TEKTL1: variants seen among roughly 807,000 people sequenced by gnomAD.
TEKTL1 encodes tektin-like protein 1.
the TEKTL1 span, among the ~76,000 whole-genome samples, chr19:15,012,022 G>A: frequency 1.3e-5 from 2 of 151,856 alleles, no homozygotes; most frequent in Non-Finnish European, 2.9e-5. Flanking sequence ...TTGGGATGCC[G>A]ATGCGGGAGG....
At chr19:15,016,040 G>A in the TEKTL1 span, among the ~76,000 whole-genome samples, 9,582 of 151,662 alleles carry the variant, frequency 0.063, 778 homozygotes, top group African/African-American at 0.19. Flanking sequence ...TATATTTCAT[G>A]TAGCAAAACT....
At chr19:15,021,641 T>G in the TEKTL1 span, 1 of 1,614,094 alleles carries the variant, frequency 6.2e-7, no homozygotes, top group Non-Finnish European at 8.5e-7. Flanking sequence ...ACGTTAGGAC[T>G]GATGAGGGGA....
At chr19:15,011,020 C>G in the TEKTL1 span, 1 of 1,582,358 alleles carries the variant, frequency 6.3e-7, no homozygotes, top group Non-Finnish European at 8.6e-7. Context: ...TCGGCCGCGC[C>G]GCCTACATCC....
the TEKTL1 span, among the ~76,000 whole-genome samples, chr19:15,022,358 T>C: frequency 2.6e-5 from 4 of 152,188 alleles, no homozygotes; most frequent in East Asian, 7.7e-4. Flanking sequence ...AGACAGACTC[T>C]CGCTCTGTCG....
At chr19:15,021,648 G>A in the TEKTL1 span, 1 of 1,614,106 alleles carries the variant, frequency 6.2e-7, no homozygotes, top group Non-Finnish European at 8.5e-7. Context: ...GACTGATGAG[G>A]GGAACTATCC....
chr19:15,022,556 T>C, the TEKTL1 span, among the ~76,000 whole-genome samples: 2 of 152,050 alleles, frequency 1.3e-5, no homozygotes, highest in Non-Finnish European at 1.5e-5. Context: ...CTTGAACTCC[T>C]GACCTCAGGT....
At chr19:15,013,544 G>C in the TEKTL1 span, 2 of 657,182 alleles carry the variant, frequency 3.0e-6, no homozygotes, top group East Asian at 2.7e-5. Context: ...CAAAGGATGA[G>C]AGTACCCTCA....
the TEKTL1 span, among the ~76,000 whole-genome samples, chr19:15,015,550 C>T: frequency 7.1e-6 from 1 of 140,260 alleles, no homozygotes; most frequent in African/African-American, 2.6e-5. Flanking sequence ...CCACCCTTCT[C>T]CTGCACCATC....
the TEKTL1 span, among the ~76,000 whole-genome samples, chr19:15,021,152 A>T: frequency 6.6e-6 from 1 of 152,028 alleles, no homozygotes; most frequent in Admixed American, 6.5e-5. Context: ...AAGTGCTGGG[A>T]TTACAGGTTA....
At chr19:15,015,983 T>C in the TEKTL1 span, among the ~76,000 whole-genome samples, 1 of 152,034 alleles carries the variant, frequency 6.6e-6, no homozygotes, top group African/African-American at 2.4e-5. Context: ...TCAGCTAAAC[T>C]GCATTTGAAT....
chr19:15,013,784 G>T, the TEKTL1 span: 2 of 1,594,520 alleles, frequency 1.3e-6, no homozygotes, highest in Non-Finnish European at 1.7e-6. Flanking sequence ...AAGGTTAGGG[G>T]TGCCTGTGGA....
At chr19:15,017,819 T>C in the TEKTL1 span, among the ~76,000 whole-genome samples, 2 of 152,136 alleles carry the variant, frequency 1.3e-5, no homozygotes, top group Non-Finnish European at 2.9e-5. Flanking sequence ...AAAGAGTCAC[T>C]GAAGGCTTCT....
At chr19:15,012,092 CA>C in the TEKTL1 span, among the ~76,000 whole-genome samples, 1,720 of 137,218 alleles carry the variant, frequency 0.013, 21 homozygotes, top group Middle Eastern at 0.027. Context: ...CCCGTCTCTA[CA>C]AAAAAAAAAA....
the TEKTL1 span, chr19:15,021,414 A>G: frequency 6.2e-7 from 1 of 1,614,130 alleles, no homozygotes; most frequent in African/African-American, 1.3e-5. Flanking sequence ...ACACCTTGGT[A>G]GAAATGGCAA....
At chr19:15,019,029 G>A in the TEKTL1 span, among the ~76,000 whole-genome samples, 1 of 152,000 alleles carries the variant, frequency 6.6e-6, no homozygotes, top group East Asian at 1.9e-4. Context: ...GCTCACTGCA[G>A]CCTCAACCTC....
the TEKTL1 span, among the ~76,000 whole-genome samples, chr19:15,014,731 CG>C: frequency 3.4e-4 from 4 of 11,750 alleles, no homozygotes; most frequent in South Asian, 1.4e-3. Flanking sequence ...AGTGGGGGGG[CG>C]GGGGGCGGGG....
the TEKTL1 span, among the ~76,000 whole-genome samples, chr19:15,014,543 G>T: frequency 6.6e-6 from 1 of 151,980 alleles, no homozygotes; most frequent in Non-Finnish European, 1.5e-5. Context: ...TTGCTTTTAT[G>T]TATAGATCTC....
chr19:15,018,627 C>T, the TEKTL1 span, among the ~76,000 whole-genome samples: 9 of 148,082 alleles, frequency 6.1e-5, no homozygotes, highest in East Asian at 6.0e-4. Flanking sequence ...GTGGGAGGAT[C>T]GCTTGAGCAC....
chr19:15,023,251 T>C, the TEKTL1 span: 2 of 793,148 alleles, frequency 2.5e-6, no homozygotes, highest in African/African-American at 3.5e-5. Flanking sequence ...AGAATTATAA[T>C]TAAAAATAAC....
Sources: gnomAD v4.1 joint callset for allele counts (sites outside exome capture counted in the v4.1 genomes callset) on GRCh38, gnomAD v4.1.1 for gene constraint, MANE v1.5 for transcripts, NCBI Gene and HGNC (gene_info 2026-07-23, HGNC 2026-07-21) for gene names.